TMEM132D: variants seen among roughly 807,000 people sequenced by gnomAD.
The protein encoded by TMEM132D is transmembrane protein 132D, also known as mature OL transmembrane protein.
Under a neutral mutation model 62.3 loss-of-function variants are expected in TMEM132D, and 21 were observed. The observed-to-expected ratio is 0.34, with a 90% confidence interval of 0.24 to 0.49. The LOEUF is 0.49. Ranked by LOEUF, TMEM132D falls within the 20% of genes least tolerant of loss-of-function variation. The pLI is 0.99. For missense variants in TMEM132D, 1,346 were observed against 1,402.8 expected, an observed-to-expected ratio of 0.96 and a Z score of 0.65; for synonymous variants, 621 against 575.6, an observed-to-expected ratio of 1.08 and a Z score of -1.13.
chr12:129,286,670 C>G (rs1204480087), intron 4 of TMEM132D, among the ~76,000 whole-genome samples: 1 of 152,190 alleles, frequency 6.6e-6, no homozygotes, highest in East Asian at 1.9e-4. Flanking sequence ...AGGCTTGACC[C>G]ATCATTTCTG....
At chr12:129,259,026 G>A (rs995470481) in intron 4 of TMEM132D, among the ~76,000 whole-genome samples, 10 of 152,280 alleles carry the variant, frequency 6.6e-5, no homozygotes, top group East Asian at 1.9e-4. Flanking sequence ...GAGTCTAGCC[G>A]TGGCTGAGCA....
intron 3 of TMEM132D, among the ~76,000 whole-genome samples, chr12:129,491,133 C>T (rs1262328008): frequency 3.3e-5 from 5 of 152,106 alleles, no homozygotes; most frequent in African/African-American, 1.2e-4. Flanking sequence ...GTACCATCAC[C>T]TAGTTAGGCT....
chr12:129,567,442 T>C (rs1269116673), intron 2 of TMEM132D, among the ~76,000 whole-genome samples: 1 of 152,206 alleles, frequency 6.6e-6, no homozygotes, highest in Non-Finnish European at 1.5e-5. Flanking sequence ...AGTGTAGTAT[T>C]AAAAAAGTAT....
chr12:129,903,130 CAT>C lies in TMEM132D; in HGVS notation c.79+129_79+130del. 1.0e-6 allele frequency: 1 copy of C among 989,638 alleles called. No individual in the cohort carries two copies. Among genetic ancestry groups the C allele is most frequent in the Non-Finnish European group, 1.5e-6 (1 of 658,566 alleles). 61.3% of individuals were successfully genotyped at this position (989,638 alleles called of 1,614,324 possible). ...GCACGTTCACACGCGCGCACACACA[CAT>C]GCACACAAGCGCGCACACACACTTG... On this transcript the variant is annotated intron_variant, in intron 1 of 8. Coordinates refer to ENST00000422113, the MANE Select transcript of TMEM132D (RefSeq NM_133448.3). This position sits in a 1 kb window ranked among gnomAD's most constrained non-coding sequence, Gnocchi z 6.2.
chr12:129,878,898 G>C (rs1385618714), intron 1 of TMEM132D, among the ~76,000 whole-genome samples: 2 of 152,090 alleles, frequency 1.3e-5, no homozygotes, highest in Non-Finnish European at 2.9e-5. Flanking sequence ...GCACCTGCAG[G>C]ATACACCTGT....
At chr12:129,442,567 A>T (rs972675406) in intron 3 of TMEM132D, among the ~76,000 whole-genome samples, 3 of 152,152 alleles carry the variant, frequency 2.0e-5, no homozygotes, top group African/African-American at 2.4e-5. Context: ...CTGCATATGC[A>T]TCCCATTCTC....
chr12:129,385,410 A>C (rs1023535886), intron 3 of TMEM132D, among the ~76,000 whole-genome samples: 3 of 151,932 alleles, frequency 2.0e-5, no homozygotes, highest in Admixed American at 6.6e-5. Flanking sequence ...TTGGCCCTAA[A>C]GTGCTTCTTA....
chr12:129,330,226 A>AGTTACCTGGGTTATG lies in TMEM132D; in HGVS notation c.1299+7393_1299+7407dup, dbSNP rs1164988404. Among the ~76,000 whole-genome samples, 21 of 152,306 alleles carry AGTTACCTGGGTTATG rather than the reference A, an allele frequency of 1.4e-4. No homozygotes were observed. In the East Asian group the frequency reaches 3.1e-3, roughly 22 times the overall value. ...GAATAATCTGCTTAGCTTCACCTGT[A>AGTTACCTGGGTTATG]GTTACCTGGGTTATGGAGTCCCCTA... is the stretch of plus-strand genomic sequence containing the variant. On this transcript the variant is annotated intron_variant, in intron 4 of 8. Coordinates refer to ENST00000422113, the MANE Select transcript of TMEM132D (RefSeq NM_133448.3).
At chr12:129,586,957 T>C (rs1878047487) in intron 2 of TMEM132D, among the ~76,000 whole-genome samples, 1 of 152,160 alleles carries the variant, frequency 6.6e-6, no homozygotes, top group Admixed American at 6.5e-5. Context: ...ACAGTCAAAA[T>C]ACATTAATCC....
chr12:129,387,202 CAAT>C (rs975847833), intron 3 of TMEM132D, among the ~76,000 whole-genome samples: 25 of 121,166 alleles, frequency 2.1e-4, no homozygotes, highest in African/African-American at 9.4e-4. Flanking sequence ...CCAACACTAA[CAAT>C]AATACCAACA....
intron 3 of TMEM132D, among the ~76,000 whole-genome samples, chr12:129,412,629 G>T (rs543725845): frequency 6.6e-6 from 1 of 152,234 alleles, no homozygotes; most frequent in South Asian, 2.1e-4. Flanking sequence ...GGCCAAGGTG[G>T]GCAGATCACT....
chr12:129,600,106 A>T (rs1878446784), intron 2 of TMEM132D, among the ~76,000 whole-genome samples: 1 of 152,238 alleles, frequency 6.6e-6, no homozygotes, highest in Non-Finnish European at 1.5e-5. Context: ...ATTGGAGCCA[A>T]TCTTTTCACA....
intron 3 of TMEM132D, among the ~76,000 whole-genome samples, chr12:129,457,101 A>G (rs1464684748): frequency 6.6e-6 from 1 of 151,888 alleles, no homozygotes; most frequent in African/African-American, 2.4e-5. Context: ...TATATACCCA[A>G]AGGATTATAA....
intron 1 of TMEM132D, among the ~76,000 whole-genome samples, chr12:129,883,023 C>T (rs79820716): frequency 0.026 from 3,904 of 152,112 alleles, 64 homozygotes; most frequent in Non-Finnish European, 0.036. Context: ...GGGACCCTGG[C>T]CAGTGCAATA....
intron 2 of TMEM132D, among the ~76,000 whole-genome samples, chr12:129,623,250 T>C (rs1015096102): frequency 6.6e-6 from 1 of 152,216 alleles, no homozygotes; most frequent in Non-Finnish European, 1.5e-5. Context: ...TGTTACTGTG[T>C]TGTTCCTCTG....
intron 5 of TMEM132D, among the ~76,000 whole-genome samples, chr12:129,114,394 T>TTCCTTCCC (rs58911236): frequency 0.06 from 8,731 of 146,312 alleles, 500 homozygotes; most frequent in East Asian, 0.28. Flanking sequence ...AACTCCTTCC[T>TTCCTTCCC]TCCTTCCCTC....
intron 5 of TMEM132D, among the ~76,000 whole-genome samples, chr12:129,142,887 C>G (rs1265187419): frequency 6.6e-6 from 1 of 152,114 alleles, no homozygotes; most frequent in African/African-American, 2.4e-5. Context: ...AGATGGAGTC[C>G]CATTGGAACC....
intron 2 of TMEM132D, among the ~76,000 whole-genome samples, chr12:129,681,074 G>T (rs1471789939): frequency 6.6e-6 from 1 of 152,204 alleles, no homozygotes; most frequent in East Asian, 1.9e-4. Flanking sequence ...GTGAAATGTA[G>T]ATTGCAGAGG....
At chr12:129,587,601 G>T (rs1175114290) in intron 2 of TMEM132D, among the ~76,000 whole-genome samples, 1 of 152,136 alleles carries the variant, frequency 6.6e-6, no homozygotes, top group African/African-American at 2.4e-5. Flanking sequence ...CTGTAAATAT[G>T]GAACGGTTTG....
Sources: gnomAD v4.1 joint callset for allele counts (sites outside exome capture counted in the v4.1 genomes callset) on GRCh38, gnomAD v4.1.1 for gene constraint, Gnocchi (gnomAD v3.1) non-coding constraint, MANE v1.5 for transcripts, NCBI Gene and HGNC (gene_info 2026-07-23, HGNC 2026-07-21) for gene names.